LPL: variants seen among roughly 807,000 people sequenced by gnomAD.
LPL encodes phospholipase A1.
Under a neutral mutation model 52.2 loss-of-function variants are expected in LPL, and 43 were observed. The ratio of observed to expected loss-of-function variants is 0.82; its 90% CI spans 0.64 to 1.06. LPL has a LOEUF of 1.06. LPL is among the 50% of genes least tolerant of loss of function. LPL has a pLI of 0.00. For missense variants in LPL, 639 were observed against 585.3 expected, an observed-to-expected ratio of 1.09 and a Z score of -0.95; for synonymous variants, 244 against 215.6, an observed-to-expected ratio of 1.13 and a Z score of -1.15.
chr8:19,960,248 G>C lies in LPL; in HGVS notation c.1140-653G>C, dbSNP rs565084540. Among the ~76,000 whole-genome samples the C allele has an allele frequency of 5.9e-5, 9 of 152,156 alleles. No homozygotes were observed. The East Asian group carries it at 1.7e-3, about 29-fold the overall frequency. On this transcript the variant is annotated intron_variant, in intron 7 of 9. Coordinates refer to ENST00000650287, the MANE Select transcript of LPL (RefSeq NM_000237.3). Reference sequence around the variant, plus strand: ...TTCACGGCTAGAACCCTCCAGGTGCGGAAGGTAGTATTTTAATAACTTTCC... The same window carrying C: ...TTCACGGCTAGAACCCTCCAGGTGCCGAAGGTAGTATTTTAATAACTTTCC...
intron 9 of LPL, among the ~76,000 whole-genome samples, chr8:19,963,908 C>T (rs905988750): frequency 2.6e-5 from 4 of 152,074 alleles, no homozygotes; most frequent in African/African-American, 4.8e-5. Flanking sequence ...ATACTTTCTT[C>T]AGTTCTTAGA....
At chr8:19,948,872 C>A (rs2069906812) in intron 2 of LPL, among the ~76,000 whole-genome samples, 1 of 151,796 alleles carries the variant, frequency 6.6e-6, no homozygotes, top group Admixed American at 6.6e-5. Context: ...CACTAGATGT[C>A]CCTAAAAACA....
At chr8:19,960,848 G>A in intron 7 of LPL, 53 bp from the exon 8 acceptor site, 2 of 1,329,162 alleles carry the variant, frequency 1.5e-6, no homozygotes, top group Non-Finnish European at 2.2e-6. Context: ...AAAAGTGGGG[G>A]GCAGGGAGAG....
intron 5 of LPL, among the ~76,000 whole-genome samples, chr8:19,955,477 T>G (rs373374423): frequency 1.3e-5 from 2 of 152,276 alleles, no homozygotes; most frequent in South Asian, 4.1e-4. Context: ...AAGGGGCAGG[T>G]ATATGTTTCT....
In LPL at chr8:19,939,938, C is replaced by T. The variant is rs925970438; in HGVS notation, c.88+410C>T. Among the ~76,000 whole-genome samples, 4 of 152,166 alleles carry T rather than the reference C, an allele frequency of 2.6e-5. No individual in the cohort carries two copies. The highest frequency in any genetic ancestry group is 9.6e-5 in the African/African-American group (4 of 41,458). ...GAGGGGCCCTGGAATGAAAGGCGCGCGGGCCAAGGTGACCTCGCCTTGGTT... is the reference window on the plus strand; with the variant it reads ...GAGGGGCCCTGGAATGAAAGGCGCGTGGGCCAAGGTGACCTCGCCTTGGTT... On this transcript the variant is annotated intron_variant, in intron 1 of 9. Transcript: ENST00000650287. The surrounding 1 kb of genome is among the most constrained non-coding windows in gnomAD (Gnocchi z 4.0).
In LPL at chr8:19,939,446, G is replaced by A. The variant is rs753472797; in HGVS notation, c.6G>A (p.Glu2=). 6.2e-7 allele frequency: 1 copy of A among 1,609,564 alleles called. No individual in the cohort carries two copies. The highest frequency in any genetic ancestry group is 8.5e-7 in the Non-Finnish European group (1 of 1,178,486). ...CCAGAGGGACGCGCCCCGAGATGGA[G>A]AGCAAAGCCCTGCTCGTGCTGACTC... M[E]SKALLVLTLA... Residue 2 remains glutamate, a synonymous_variant, in exon 1 of 10, where the codon GAG becomes GAA. Transcript: ENST00000650287. This position sits in a 1 kb window ranked among gnomAD's most constrained non-coding sequence, Gnocchi z 4.0.
chr8:19,963,360 G>A (rs1040647500), intron 9 of LPL, among the ~76,000 whole-genome samples: 11 of 151,656 alleles, frequency 7.3e-5, no homozygotes, highest in African/African-American at 2.7e-4. Flanking sequence ...TGCTTGAACC[G>A]GGGAGGCAGA....
chr8:19,957,696 G>A (rs1173101718), intron 6 of LPL, among the ~76,000 whole-genome samples: 1 of 152,084 alleles, frequency 6.6e-6, no homozygotes, highest in Non-Finnish European at 1.5e-5. Context: ...GGGTTTTGTT[G>A]TTGTTCTTCT....
chr8:19,963,925 C>G (rs1473377092), intron 9 of LPL, among the ~76,000 whole-genome samples: 1 of 151,784 alleles, frequency 6.6e-6, no homozygotes, highest in East Asian at 1.9e-4. Flanking sequence ...TAGAAAGAGA[C>G]TTTTAGATGA....
Position 19,956,147 on chromosome 8 carries a change from C to A in LPL, c.1018+64C>A, listed in dbSNP as rs2069983569. On this transcript the variant is annotated intron_variant, in intron 6 of 9. Transcript: ENST00000650287. ...TCCTATTTCATCATGCTCACTGCAT[C>A]ACATGTACTGATTCTGTCCATTGGA... The A allele has an allele frequency of 2.5e-6, 4 of 1,601,686 alleles. No homozygotes were observed. In the Admixed American group the frequency reaches 6.7e-5, roughly 27 times the overall value.
At position 19,944,030 on chromosome 8, in the gene LPL, T is replaced by C. The variant is rs969968237; in HGVS notation, c.89-4150T>C. 6.6e-6 allele frequency among the ~76,000 whole-genome samples: 1 copy of C among 151,626 alleles called. No individual in the cohort carries two copies. The highest frequency in any genetic ancestry group is 2.4e-5 in the African/African-American group (1 of 41,230). The stretch of plus-strand genomic sequence containing the variant: ...GGTGAAACCCCATCTCTACTAAAAA[T>C]ACAAAAATTAGCCAGGCGTGGTGGC... On this transcript the variant is annotated intron_variant, in intron 1 of 9. Coordinates refer to ENST00000650287, the MANE Select transcript of LPL (RefSeq NM_000237.3). This position sits in a 1 kb window ranked among gnomAD's most constrained non-coding sequence, Gnocchi z 4.2.
intron 9 of LPL, 151 bp from the exon 10 acceptor site, chr8:19,965,159 T>C: frequency 1.5e-6 from 1 of 649,578 alleles, no homozygotes; most frequent in Non-Finnish European, 2.8e-6. Flanking sequence ...TCTGATCCAT[T>C]ATACACATCT....
rs1353606545 is a variant in LPL at position 19,939,662 on chromosome 8, G to A, written c.88+134G>A. 2.6e-5 allele frequency: 23 copies of A among 894,646 alleles called. No individual in the cohort carries two copies. The South Asian group carries it at 2.6e-4, about 10-fold the overall frequency. The allele number at this position is 894,646 out of a possible 1,614,324, so 55.4% of individuals were successfully genotyped here. ...AGGGACTCTCCCAGCCTGGGCTCTAGCCCCGAAACGGTCCCCGGAGTGGGA... is the reference window on the plus strand; with the variant it reads ...AGGGACTCTCCCAGCCTGGGCTCTAACCCCGAAACGGTCCCCGGAGTGGGA... On this transcript the variant is annotated intron_variant, in intron 1 of 9. Coordinates refer to ENST00000650287, the MANE Select transcript of LPL (RefSeq NM_000237.3). The surrounding 1 kb of genome is among the most constrained non-coding windows in gnomAD (Gnocchi z 4.0).
chr8:19,941,282 G>C (rs2069836764), intron 1 of LPL, among the ~76,000 whole-genome samples: 1 of 152,190 alleles, frequency 6.6e-6, no homozygotes, highest in South Asian at 2.1e-4. Context: ...CAAGAAGATG[G>C]TAGGAGCCAA....
At position 19,939,423 on chromosome 8, in the gene LPL, A is replaced by T; in HGVS notation, c.-18A>T. The stretch of plus-strand genomic sequence containing the variant: ...TCGGTCCGCGCCTTGCAGCTCCTCC[A>T]GAGGGACGCGCCCCGAGATGGAGAG... On this transcript the variant is annotated 5_prime_UTR_variant, in exon 1 of 10. Transcript: ENST00000650287. The surrounding 1 kb of genome is among the most constrained non-coding windows in gnomAD (Gnocchi z 4.0). The T allele has an allele frequency of 1.3e-6, 2 of 1,599,776 alleles. No homozygotes were observed. The highest frequency in any genetic ancestry group is 2.3e-5 in the East Asian group (1 of 44,300).
rs2069953910 is a variant in LPL, at chr8:19,953,542, A to G, written c.541+121A>G. 9 of 721,094 alleles carry G rather than the reference A, an allele frequency of 1.2e-5. No individual in the cohort carries two copies. In the South Asian group the frequency reaches 1.3e-4, roughly 11 times the overall value. The allele number at this position is 721,094 out of a possible 1,614,324, so 44.7% of individuals were successfully genotyped here. A position where few individuals can be genotyped will look rare whatever the true frequency, so the allele number is the denominator to read the frequency against. On this transcript the variant is annotated intron_variant, in intron 4 of 9. Transcript: ENST00000650287. ...TGGTGTTCTTCCCGGAGACATGACC[A>G]GCACTTGATTATCTCATTGTAGGGC...
At chr8:19,963,498 A>C (rs981070322) in intron 9 of LPL, among the ~76,000 whole-genome samples, 1 of 152,008 alleles carries the variant, frequency 6.6e-6, no homozygotes, top group Non-Finnish European at 1.5e-5. Flanking sequence ...TAACATCTTT[A>C]ATGTTTTTAA....
intron 2 of LPL, among the ~76,000 whole-genome samples, chr8:19,949,632 A>C (rs1253472320): frequency 6.6e-6 from 1 of 152,004 alleles, no homozygotes. Flanking sequence ...ACAGGCGCCC[A>C]CCACCACACC....
chr8:19,953,361 G>C lies in LPL; in HGVS notation c.481G>C (p.Gly161Arg), dbSNP rs1335070889. 1 of 1,613,856 alleles carries C rather than the reference G, an allele frequency of 6.2e-7. No homozygotes were observed. The highest frequency in any genetic ancestry group is 8.5e-7 in the Non-Finnish European group (1 of 1,179,908). ...TGTCCATCTCTTGGGATACAGCCTTGGAGCCCATGCTGCTGGCATTGCAGG... is the reference window on the plus strand; with the variant it reads ...TGTCCATCTCTTGGGATACAGCCTTCGAGCCCATGCTGCTGGCATTGCAGG... ...DNVHLLGYSL[G>R]AHAAGIAGSL... is the part of the protein sequence containing the mutation. The change falls in exon 4 of 10, where the codon GGA (glycine) becomes CGA (arginine). Residue 161 changes from glycine (G) to arginine (R), a missense_variant. Gly to Arg is a moderately radical substitution (Grantham distance 125). Transcript: ENST00000650287.
Sources: allele counts gnomAD v4.1 joint callset (sites outside exome capture counted in the v4.1 genomes callset), GRCh38; gene constraint gnomAD v4.1.1; non-coding constraint Gnocchi (gnomAD v3.1); transcripts MANE v1.5; gene names NCBI Gene and HGNC (gene_info 2026-07-23, HGNC 2026-07-21).